DYSF: variants seen among roughly 807,000 people sequenced by gnomAD.
DYSF encodes dystrophy-associated fer-1-like 1.
In DYSF, 212 loss-of-function variants were observed where a neutral mutation model predicts 274.9. The ratio of observed to expected loss-of-function variants is 0.77; its 90% confidence interval spans 0.69 to 0.86. The LOEUF (loss-of-function observed/expected upper bound fraction) is 0.86. DYSF is among the 40% of genes least tolerant of loss of function. The pLI, the probability that DYSF is intolerant of heterozygous loss-of-function variation, is 0.00. For missense variants in DYSF, 2,666 were observed against 2,783.2 expected (o/e 0.96, Z 0.95); for synonymous variants, 1,091 against 1,078.7 (o/e 1.01, Z -0.22).
In DYSF at chr2:71,506,903, A is replaced by G. The variant is rs1283211902; in HGVS notation, c.345+3584A>G. 3.3e-5 allele frequency among the ~76,000 whole-genome samples: 5 copies of G among 152,112 alleles called. No homozygotes were observed. The East Asian group carries it at 9.7e-4, about 29-fold the overall frequency. On this transcript the variant is annotated intron_variant, in intron 4 of 55. Coordinates refer to ENST00000410020, the MANE Select transcript of DYSF (RefSeq NM_001130987.2). ...TGTGGCTCTCTGATGGGCAGCTAGA[A>G]GACAGACCTGTGCTGGAAGTCTCAT... is the stretch of plus-strand genomic sequence containing the variant.
chr2:71,617,004 C>T (rs1404690145), intron 40 of DYSF, among the ~76,000 whole-genome samples: 2 of 152,086 alleles, frequency 1.3e-5, no homozygotes, highest in East Asian at 1.9e-4. Context: ...GAGAGCCTGC[C>T]ACCCCCTGTC....
chr2:71,613,375 G>A lies in DYSF; in HGVS notation c.4429G>A (p.Asp1477Asn), dbSNP rs767788624. 3.2e-5 allele frequency: 51 copies of A among 1,613,404 alleles called. No individual in the cohort carries two copies. In the South Asian group the frequency reaches 5.1e-4, roughly 16 times the overall value. ...LLSPGEDVLI[D>N]IDDKEPLIPI... ...CAGTCCTGGGGAAGACGTGCTCATC[G>A]ACATTGATGACAAGGAGCCCCTCAT... Residue 1477 changes from aspartate to asparagine, a missense_variant, in exon 40 of 56, where the codon GAC becomes AAC. By Grantham distance (23) the Asp-to-Asn change is conservative. Transcript: ENST00000410020.
At chr2:71,666,407 C>T (rs1283034410) in intron 47 of DYSF, among the ~76,000 whole-genome samples, 2 of 152,226 alleles carry the variant, frequency 1.3e-5, no homozygotes, top group African/African-American at 4.8e-5. Context: ...GAGGTGCATG[C>T]CTCTTCCTTT....
intron 3 of DYSF, among the ~76,000 whole-genome samples, chr2:71,493,894 G>GT (rs1396243836): frequency 7.0e-6 from 1 of 143,834 alleles, no homozygotes; most frequent in Non-Finnish European, 1.5e-5. Context: ...AAACACAAAG[G>GT]TTTTTTAGAG....
chr2:71,645,514 C>A (rs2094553449), intron 42 of DYSF, among the ~76,000 whole-genome samples: 2 of 151,724 alleles, frequency 1.3e-5, no homozygotes, highest in South Asian at 4.2e-4. Context: ...CGATGTCCAG[C>A]AACTTGTGTT....
intron 16 of DYSF, among the ~76,000 whole-genome samples, chr2:71,536,671 T>G (rs1363717104): frequency 6.6e-6 from 1 of 152,218 alleles, no homozygotes; most frequent in Non-Finnish European, 1.5e-5. Flanking sequence ...CCAAACACAT[T>G]ACAGAATCTG....
chr2:71,624,008 G>T (rs993496251), intron 41 of DYSF, among the ~76,000 whole-genome samples: 1 of 152,236 alleles, frequency 6.6e-6, no homozygotes, highest in Non-Finnish European at 1.5e-5. Flanking sequence ...GGACGAGGTT[G>T]CGGTGAGCCG....
At position 71,574,434 on chromosome 2, in the gene DYSF, G is replaced by A. The variant is rs75127120; in HGVS notation, c.3402+63G>A. The A allele has an allele frequency of 0.2, 313,339 of 1,574,338 alleles. 33,450 individuals carry two copies. The highest frequency in any genetic ancestry group is 0.36 in the East Asian group (16,132 of 44,322). Reference sequence around the variant, plus strand: ...ATATCTTGGTTTCCCAGGGCTGTTCGGGCTGATGTGGGAGAGGCACAGGGA... The same window carrying A: ...ATATCTTGGTTTCCCAGGGCTGTTCAGGCTGATGTGGGAGAGGCACAGGGA... On this transcript the variant is annotated intron_variant, in intron 30 of 55. Transcript: ENST00000410020.
At position 71,569,806 on chromosome 2, in the gene DYSF, G is replaced by GC. The variant is rs2092320225; in HGVS notation, c.2865-11dup. ...AGCAGAGCAGCAGAGACTCTGACCA[G>GC]CCCTCCTCCACAGTCTGCTCCATGA... On this transcript the variant is annotated splice_polypyrimidine_tract_variant and intron_variant, in intron 26 of 55. Transcript: ENST00000410020. The GC allele has an allele frequency of 1.9e-6, 3 of 1,610,152 alleles. No homozygotes were observed. Among genetic ancestry groups the GC allele is most frequent in the Non-Finnish European group, 2.5e-6 (3 of 1,177,332 alleles).
chr2:71,620,734 C>T lies in DYSF; in HGVS notation c.4527+125C>T, dbSNP rs962921515. 3.9e-6 allele frequency: 4 copies of T among 1,023,608 alleles called. No individual in the cohort carries two copies. The East Asian group carries it at 1.0e-4, about 27-fold the overall frequency. 63.4% of individuals were successfully genotyped at this position (1,023,608 alleles called of 1,614,324 possible). ...AAAGGAGGTATTTCCTGAGCCCTAG[C>T]AGGGAAGTCACCTATCTTTGCCTCA... On this transcript the variant is annotated intron_variant, in intron 41 of 55. Coordinates refer to ENST00000410020, the MANE Select transcript of DYSF (RefSeq NM_001130987.2).
chr2:71,577,940 G>A (rs1016307175), intron 30 of DYSF, among the ~76,000 whole-genome samples: 13 of 152,182 alleles, frequency 8.5e-5, no homozygotes, highest in Non-Finnish European at 5.9e-5. Context: ...TGGGATGGGT[G>A]AGGCCTCTGT....
intron 22 of DYSF, among the ~76,000 whole-genome samples, chr2:71,560,795 G>A (rs2091696406): frequency 6.6e-6 from 1 of 152,102 alleles, no homozygotes; most frequent in Admixed American, 6.5e-5. Flanking sequence ...GGGGGGTGCT[G>A]CAAGTGGTGG....
intron 10 of DYSF, among the ~76,000 whole-genome samples, chr2:71,519,393 TA>T (rs966953810): frequency 2.7e-4 from 41 of 152,026 alleles, no homozygotes; most frequent in African/African-American, 8.9e-4. Context: ...ATCTATGATT[TA>T]AAAAAAAGAC....
chr2:71,463,409 C>T (rs115334456), upstream of DYSF, among the ~76,000 whole-genome samples: 2,545 of 152,286 alleles, frequency 0.017, 73 homozygotes, highest in African/African-American at 0.058. Context: ...GATCTGGGGC[C>T]GCAGCCAAAC....
chr2:71,556,243 A>G (rs1180199825), intron 22 of DYSF, among the ~76,000 whole-genome samples, 172 bp downstream of exon 22: 1 of 152,236 alleles, frequency 6.6e-6, no homozygotes, highest in African/African-American at 2.4e-5. Context: ...GGAGTTGAAA[A>G]GGTGACATTG....
intron 41 of DYSF, among the ~76,000 whole-genome samples, chr2:71,631,439 C>T (rs748429620): frequency 3.9e-4 from 60 of 152,120 alleles, no homozygotes; most frequent in Non-Finnish European, 7.3e-4. Flanking sequence ...AAATATCACC[C>T]GTTCAGAAGT....
In DYSF at chr2:71,568,233, C is replaced by G; in HGVS notation, c.2759C>G (p.Pro920Arg). ...GNWGTTGLTY[P>R]KFSDVTGKIK... ...TGGGGCACAACGGGCCTCACCTACC[C>G]CAAGTTTTCTGACGTCACGGGCAAG... is the stretch of plus-strand genomic sequence containing the variant. Residue 920 changes from proline to arginine, a missense_variant, in exon 26 of 56, where the codon CCC becomes CGC. Physicochemically the swap from Pro to Arg is moderately radical, Grantham distance 103. Coordinates refer to ENST00000410020, the MANE Select transcript of DYSF (RefSeq NM_001130987.2). The G allele has an allele frequency of 1.2e-6, 2 of 1,614,210 alleles. No individual in the cohort carries two copies. Among genetic ancestry groups the G allele is most frequent in the South Asian group, 2.2e-5 (2 of 91,068 alleles).
chr2:71,600,297 AG>A (rs1446906155), intron 33 of DYSF, among the ~76,000 whole-genome samples: 1 of 152,236 alleles, frequency 6.6e-6, no homozygotes, highest in Non-Finnish European at 1.5e-5. Flanking sequence ...TGGGAATTTA[AG>A]GGTGAAATGA....
intron 36 of DYSF, among the ~76,000 whole-genome samples, chr2:71,609,275 C>T (rs1019466505): frequency 4.6e-5 from 7 of 152,188 alleles, no homozygotes; most frequent in South Asian, 2.1e-4. Flanking sequence ...GCTTATCAGA[C>T]GGTCAGGAAT....
Sources: gnomAD v4.1 joint callset for allele counts (sites outside exome capture counted in the v4.1 genomes callset) on GRCh38, gnomAD v4.1.1 for gene constraint, MANE v1.5 for transcripts, NCBI Gene and HGNC (gene_info 2026-07-23, HGNC 2026-07-21) for gene names.